SLC25A48: variants seen among roughly 807,000 people sequenced by gnomAD.
SLC25A48 encodes CTC-321K16.1.
SLC25A48 carries 29 observed loss-of-function variants against 32.2 expected under a neutral mutation model. The observed-to-expected ratio is 0.90, with a 90% confidence interval of 0.67 to 1.23. The LOEUF (loss-of-function observed/expected upper bound fraction) is 1.23, where lower values mean the gene tolerates loss of function less well. Among genes scored for constraint, SLC25A48 ranks in the 50% most tolerant of loss-of-function variants. SLC25A48 has a pLI of 0.00. For synonymous variants in SLC25A48, 164 were observed against 172.3 expected (o/e 0.95, Z 0.38); for missense variants, 399 against 422.7 (o/e 0.94, Z 0.49).
At chr5:135,649,843 ATG>A (rs1395182898) in intron 3 of SLC25A48, 1 of 158,468 alleles carries the variant, frequency 6.3e-6, no homozygotes, top group African/African-American at 2.4e-5. Flanking sequence ...AAAGAGGACT[ATG>A]TGTGTACCCA....
intron 3 of SLC25A48, among the ~76,000 whole-genome samples, chr5:135,741,968 A>G (rs1755510617): frequency 6.6e-6 from 1 of 152,186 alleles, no homozygotes; most frequent in Non-Finnish European, 1.5e-5. Flanking sequence ...TACAGAATCC[A>G]ATGAAATGCT....
At chr5:135,679,424 G>A (rs1476103377) in intron 3 of SLC25A48, among the ~76,000 whole-genome samples, 3 of 152,212 alleles carry the variant, frequency 2.0e-5, no homozygotes, top group African/African-American at 7.2e-5. Context: ...AGTGTGGAAT[G>A]CTTGGGCGGT....
At chr5:135,867,938 A>T (rs1170939520) in intron 4 of SLC25A48, among the ~76,000 whole-genome samples, 1 of 152,186 alleles carries the variant, frequency 6.6e-6, no homozygotes, top group Non-Finnish European at 1.5e-5. Context: ...GATATCACAG[A>T]GTTGTTTTAC....
At chr5:135,731,163 TC>T (rs1158824439) in intron 3 of SLC25A48, among the ~76,000 whole-genome samples, 1 of 151,446 alleles carries the variant, frequency 6.6e-6, no homozygotes, top group Non-Finnish European at 1.5e-5. Flanking sequence ...AAAATTACAG[TC>T]AAAGGGGGTT....
At chr5:135,803,262 A>C (rs1757377744) in intron 3 of SLC25A48, among the ~76,000 whole-genome samples, 1 of 151,078 alleles carries the variant, frequency 6.6e-6, no homozygotes, top group Non-Finnish European at 1.5e-5. Context: ...TTCTTGGCAG[A>C]TATTATTCCT....
intron 4 of SLC25A48, among the ~76,000 whole-genome samples, chr5:135,818,093 CTCTCTCTCTCTCTCTCTCTCTCT>C: frequency 7.0e-6 from 1 of 143,502 alleles, no homozygotes; most frequent in East Asian, 2.0e-4. Context: ...CTCTCTCTCT[CTCTCTCTCTCTCTCTCTCTCTCT>C]CTCCCTCTGT....
intron 3 of SLC25A48, among the ~76,000 whole-genome samples, chr5:135,636,971 C>T (rs1752720033): frequency 3.0e-5 from 4 of 135,202 alleles, no homozygotes; most frequent in Non-Finnish European, 6.7e-5. Flanking sequence ...AGTGGGTATC[C>T]GTTACGAGTA....
chr5:135,799,152 G>A (rs1057465698), intron 3 of SLC25A48, among the ~76,000 whole-genome samples: 18 of 151,748 alleles, frequency 1.2e-4, no homozygotes, highest in Admixed American at 1.2e-3. Context: ...CGCAGGGGAT[G>A]TACAGCACCC....
chr5:135,653,637 G>C (rs1753169744), intron 3 of SLC25A48, among the ~76,000 whole-genome samples: 1 of 152,212 alleles, frequency 6.6e-6, no homozygotes, highest in African/African-American at 2.4e-5. Context: ...AGGAGGAGGA[G>C]ACTGCAGGCT....
rs376563975 is a variant in SLC25A48 at position 135,690,749 on chromosome 5, C to G, written c.-521+55793C>G. Among the ~76,000 whole-genome samples, 37 of 152,286 alleles carry G rather than the reference C, an allele frequency of 2.4e-4. No individual in the cohort carries two copies. The East Asian group carries it at 6.0e-3, about 25-fold the overall frequency. Reference sequence around the variant, plus strand: ...GTTGAGTGACTTGCCAAGAATCACCCAGCAGATCAATTTTGAATCCAGAAA... The same window carrying G: ...GTTGAGTGACTTGCCAAGAATCACCGAGCAGATCAATTTTGAATCCAGAAA... On this transcript the variant is annotated intron_variant, in intron 3 of 10. Transcript: ENST00000646290.
chr5:135,871,849 G>A (rs201768138), intron 5 of SLC25A48, 131 bp downstream of exon 5: 1 of 1,532,778 alleles, frequency 6.5e-7, no homozygotes, highest in Non-Finnish European at 8.8e-7. Flanking sequence ...ACAATTCTTT[G>A]TTAGGTACCT....
chr5:135,621,718 T>C (rs116314650), intron 1 of SLC25A48, among the ~76,000 whole-genome samples: 5,966 of 152,196 alleles, frequency 0.039, 379 homozygotes, highest in African/African-American at 0.14. Flanking sequence ...GTTCTTTCAC[T>C]ATATCGGTGT....
chr5:135,871,621 C>T lies in SLC25A48; in HGVS notation c.582C>T (p.Leu194=), dbSNP rs1259645180. ...MLLRDVPGYC[L]YFIPYVFLSE... ...TGAGGGATGTCCCAGGCTATTGCCTCTACTTCATCCCCTACGTGTTCCTGA... is the reference window on the plus strand; with the variant it reads ...TGAGGGATGTCCCAGGCTATTGCCTTTACTTCATCCCCTACGTGTTCCTGA... The change falls in exon 5 of 8, where the codon CTC becomes CTT. Residue 194 remains leucine (L), a synonymous_variant. Coordinates refer to ENST00000681962, the MANE Select transcript of SLC25A48 (RefSeq NM_001349336.2). The T allele has an allele frequency of 5.6e-6, 9 of 1,614,084 alleles. No homozygotes were observed. Among genetic ancestry groups the T allele is most frequent in the Non-Finnish European group, 6.8e-6 (8 of 1,180,040 alleles).
intron 1 of SLC25A48, among the ~76,000 whole-genome samples, chr5:135,628,783 C>T (rs544494271): frequency 1.3e-5 from 2 of 152,160 alleles, no homozygotes; most frequent in Non-Finnish European, 2.9e-5. Flanking sequence ...CTTTCATTCC[C>T]ACCTGTCCTC....
At chr5:135,715,065 G>T (rs1282480959) in intron 3 of SLC25A48, among the ~76,000 whole-genome samples, 1 of 152,204 alleles carries the variant, frequency 6.6e-6, no homozygotes, top group Non-Finnish European at 1.5e-5. Context: ...CCGCATTGGA[G>T]AGGCAGGAGA....
intron 3 of SLC25A48, among the ~76,000 whole-genome samples, chr5:135,748,631 T>C (rs1478566682): frequency 1.3e-5 from 2 of 152,152 alleles, no homozygotes; most frequent in African/African-American, 4.8e-5. Flanking sequence ...AGTGACTTGC[T>C]TAAGTTCTCA....
At chr5:135,701,001 C>G (rs368809078) in intron 3 of SLC25A48, among the ~76,000 whole-genome samples, 30 of 152,340 alleles carry the variant, frequency 2.0e-4, no homozygotes, top group African/African-American at 6.3e-4. Flanking sequence ...CTGCTGGGCT[C>G]CATCCTGCCT....
intron 3 of SLC25A48, among the ~76,000 whole-genome samples, chr5:135,752,431 AATATCTTTCTACAATATTACAAATAGT>A (rs1755792393): frequency 6.6e-6 from 1 of 152,136 alleles, no homozygotes; most frequent in South Asian, 2.1e-4. Context: ...AATTAGGAGT[AATATCTTTCTACAATATTACAAATAGT>A]ATCACAACGT....
chr5:135,646,289 G>C (rs559564897), intron 3 of SLC25A48, among the ~76,000 whole-genome samples: 57 of 152,172 alleles, frequency 3.7e-4, no homozygotes, highest in Non-Finnish European at 7.2e-4. Context: ...GAGTTCAGGA[G>C]ACCCAGCATG....
Sources: gnomAD v4.1 joint callset for allele counts (sites outside exome capture counted in the v4.1 genomes callset) on GRCh38, gnomAD v4.1.1 for gene constraint, MANE v1.5 for transcripts, NCBI Gene and HGNC (gene_info 2026-07-23, HGNC 2026-07-21) for gene names.